The following IL13RA2 variants were observed in gnomAD, a reference collection of about 807,000 sequenced individuals.
IL13RA2 encodes interleukin-13 receptor subunit alpha-2.
Under a neutral mutation model 34.1 loss-of-function variants are expected in IL13RA2, and 25 were observed. The ratio of observed to expected loss-of-function variants is 0.73; its 90% CI spans 0.53 to 1.03. The LOEUF (loss-of-function observed/expected upper bound fraction) is 1.03, where lower values mean the gene tolerates loss of function less well. Among genes scored for constraint, IL13RA2 ranks in the 50% least tolerant of loss-of-function variants. The pLI is 0.00. For missense variants in IL13RA2, 297 were observed against 280.9 expected, an observed-to-expected ratio of 1.06 and a Z score of -0.41; for synonymous variants, 106 against 100.4, an observed-to-expected ratio of 1.06 and a Z score of -0.33.
intron 8 of IL13RA2, among the ~76,000 whole-genome samples, chrX:115,006,110 G>A (rs138112612): frequency 1.4e-3 from 159 of 111,526 alleles, no homozygotes; most frequent in African/African-American, 4.6e-3. Flanking sequence ...TCAAATTCAC[G>A]TGTTCAGAGA....
At position 115,005,587 on chromosome X, in the gene IL13RA2, G is replaced by A. The variant is rs185749179; in HGVS notation, c.998-272C>T. On this transcript the variant is annotated intron_variant, in intron 8 of 9. Coordinates refer to ENST00000243213, the MANE Select transcript of IL13RA2 (RefSeq NM_000640.3). ...ACACAATTCTTATTTCCTGATATGA[G>A]TTTGTTTATATTTGACCTTGTGAAT... Among the ~76,000 whole-genome samples the A allele has an allele frequency of 3.6e-5, 4 of 111,830 alleles. No homozygotes were observed. In the Admixed American group the frequency reaches 3.8e-4, roughly 11 times the overall value.
At chrX:115,009,337 C>T (rs1047418400) in intron 7 of IL13RA2, among the ~76,000 whole-genome samples, 184 bp downstream of exon 7, 5 of 111,311 alleles carry the variant, frequency 4.5e-5, no homozygotes, top group Admixed American at 9.6e-5. Flanking sequence ...TCCTATGTAA[C>T]TTTAAAATTG....
intron 3 of IL13RA2, among the ~76,000 whole-genome samples, chrX:115,015,363 T>TAAGCA (rs1218655937): frequency 9.0e-6 from 1 of 111,676 alleles, no homozygotes; most frequent in Non-Finnish European, 1.9e-5. Context: ...TCCAAGAATA[T>TAAGCA]AAGCAATTGT....
intron 6 of IL13RA2, among the ~76,000 whole-genome samples, chrX:115,010,175 A>G (rs1247038982): frequency 2.7e-5 from 3 of 111,431 alleles, no homozygotes; most frequent in Non-Finnish European, 5.7e-5. Context: ...TCACACGACT[A>G]GAAAAATGGT....
chrX:115,014,632 C>CTA, intron 3 of IL13RA2, 58 bp from the exon 4 acceptor site: 1 of 870,690 alleles, frequency 1.1e-6, no homozygotes, highest in African/African-American at 2.0e-5. Context: ...GTATAGTGAG[C>CTA]TATATTAATA....
intron 8 of IL13RA2, among the ~76,000 whole-genome samples, 166 bp from the exon 9 acceptor site, chrX:115,005,481 A>C (rs1375060082): frequency 8.9e-6 from 1 of 112,366 alleles, no homozygotes; most frequent in Non-Finnish European, 1.9e-5. Flanking sequence ...CGTTCCTTTC[A>C]TTTGTGCAAT....
intron 8 of IL13RA2, among the ~76,000 whole-genome samples, chrX:115,007,527 T>A (rs1222659774): frequency 8.9e-6 from 1 of 111,831 alleles, no homozygotes; most frequent in Non-Finnish European, 1.9e-5. Context: ...CATGACCTTT[T>A]AATTAGAAAA....
At chrX:115,004,567 A>C (rs1276914894) in intron 9 of IL13RA2, among the ~76,000 whole-genome samples, 1 of 108,133 alleles carries the variant, frequency 9.2e-6, no homozygotes, top group African/African-American at 3.4e-5. Flanking sequence ...TGATTGCACC[A>C]CTCCTCTCCA....
chrX:115,017,524 G>A lies in IL13RA2; in HGVS notation c.-34+29C>T. ...TCCTGCTTACAAGAATAAAAACAAA[G>A]CTAAGCAAAAACCCTTGTAGCTCCT... On this transcript the variant is annotated intron_variant, in intron 1 of 9. Transcript: ENST00000243213. The A allele has an allele frequency of 1.1e-5, 3 of 269,838 alleles. No individual in the cohort carries two copies. The South Asian group carries it at 1.7e-4, about 16-fold the overall frequency. The allele number at this position is 269,838 out of a possible 1,213,427, so 22.2% of individuals were successfully genotyped here. A position where few individuals can be genotyped will look rare whatever the true frequency, so the allele number is the denominator to read the frequency against.
At chrX:115,010,075 C>T (rs1353225624) in intron 6 of IL13RA2, among the ~76,000 whole-genome samples, 2 of 111,630 alleles carry the variant, frequency 1.8e-5, no homozygotes, top group South Asian at 3.7e-4. Flanking sequence ...ATAATAATCT[C>T]ATTCACGCCT....
intron 3 of IL13RA2, among the ~76,000 whole-genome samples, chrX:115,015,277 A>G (rs2071721894): frequency 9.0e-6 from 1 of 111,383 alleles, no homozygotes; most frequent in Non-Finnish European, 1.9e-5. Flanking sequence ...CCTCTGTGGG[A>G]AGGGTACAAA....
chrX:115,008,269 CTTCT>C (rs1357131192), intron 7 of IL13RA2, among the ~76,000 whole-genome samples, 193 bp from the exon 8 acceptor site: 2 of 111,097 alleles, frequency 1.8e-5, no homozygotes, highest in Non-Finnish European at 3.8e-5. Flanking sequence ...TGTTTCTTCC[CTTCT>C]TTATCTATAT....
At position 115,012,335 on chromosome X, in the gene IL13RA2, T is replaced by C. The variant is rs782649598; in HGVS notation, c.521+1434A>G. Among the ~76,000 whole-genome samples, 8 of 112,061 alleles carry C rather than the reference T, an allele frequency of 7.1e-5. No homozygotes were observed. In the East Asian group the frequency reaches 2.2e-3, roughly 31 times the overall value. ...CTAATCTACTACGGGTATAGTACTT[T>C]GGAGGTAGGCAAGAGAAATATAATA... On this transcript the variant is annotated intron_variant, in intron 5 of 9. Transcript: ENST00000243213.
intron 5 of IL13RA2, among the ~76,000 whole-genome samples, chrX:115,013,192 G>A (rs1273262856): frequency 1.8e-5 from 2 of 110,907 alleles, no homozygotes; most frequent in Non-Finnish European, 3.8e-5. Context: ...GGAGCAGAGC[G>A]ACCGTCATTT....
chrX:115,004,030 A>G lies in IL13RA2; in HGVS notation c.*50T>C, dbSNP rs782014647. On this transcript the variant is annotated 3_prime_UTR_variant, in exon 10 of 10. Coordinates refer to ENST00000243213, the MANE Select transcript of IL13RA2 (RefSeq NM_000640.3). Reference sequence around the variant, plus strand: ...TGAGACTCATATTGAACATTTGGCCATGACTGGAAACTGTTGAGTCAATAC... The same window carrying G: ...TGAGACTCATATTGAACATTTGGCCGTGACTGGAAACTGTTGAGTCAATAC... The G allele has an allele frequency of 1.1e-4, 78 of 740,175 alleles. No individual in the cohort carries two copies. In the East Asian group the frequency reaches 2.6e-3, roughly 24 times the overall value. 61.0% of individuals were successfully genotyped at this position (740,175 alleles called of 1,213,427 possible). A position where few individuals can be genotyped will look rare whatever the true frequency, so the allele number is the denominator to read the frequency against.
intron 4 of IL13RA2, 131 bp from the exon 5 acceptor site, chrX:115,014,020 CA>C (rs1256222716): frequency 9.2e-6 from 5 of 543,139 alleles, no homozygotes; most frequent in Non-Finnish European, 1.2e-5. Flanking sequence ...AGGATTATTT[CA>C]AAAGGAAGTT....
chrX:115,006,599 C>T (rs2071686263), intron 8 of IL13RA2, among the ~76,000 whole-genome samples: 1 of 111,072 alleles, frequency 9.0e-6, no homozygotes, highest in African/African-American at 3.3e-5. Flanking sequence ...ACGAGAATCG[C>T]TTGAACCCAA....
At chrX:115,013,168 A>G (rs1470364772) in intron 5 of IL13RA2, among the ~76,000 whole-genome samples, 1 of 110,759 alleles carries the variant, frequency 9.0e-6, no homozygotes, top group African/African-American at 3.3e-5. Flanking sequence ...GAGAGATTGG[A>G]AGGGGAGAGA....
intron 5 of IL13RA2, 94 bp from the exon 6 acceptor site, chrX:115,010,922 G>A (rs1556508673): frequency 4.9e-6 from 2 of 406,414 alleles, no homozygotes; most frequent in African/African-American, 5.2e-5. Flanking sequence ...TACCATGTCA[G>A]TTTAAAAATC....
Sources: gnomAD v4.1 joint callset for allele counts (sites outside exome capture counted in the v4.1 genomes callset) on GRCh38, gnomAD v4.1.1 for gene constraint, MANE v1.5 for transcripts, NCBI Gene and HGNC (gene_info 2026-07-23, HGNC 2026-07-21) for gene names.